LRRC7: variants seen among roughly 807,000 people sequenced by gnomAD.
LRRC7 encodes leucine rich repeat containing 7.
Under a neutral mutation model 175.7 loss-of-function variants are expected in LRRC7, and 23 were observed. That is an observed-to-expected ratio of 0.13 (90% CI 0.09 to 0.19). The LOEUF (loss-of-function observed/expected upper bound fraction) is 0.19, where lower values mean the gene tolerates loss of function less well. LRRC7 is among the 10% of genes least tolerant of loss of function. The pLI is 1.00. For synonymous variants in LRRC7, 685 were observed against 680.9 expected (o/e 1.01, Z -0.09); for missense variants, 1,354 against 1,904.7 (o/e 0.71, Z 5.38).
intron 3 of LRRC7, among the ~76,000 whole-genome samples, chr1:69,786,539 T>G (rs1328146535): frequency 6.6e-6 from 1 of 152,082 alleles, no homozygotes; most frequent in Admixed American, 6.5e-5. Flanking sequence ...GACTGGGCAA[T>G]TTACAAAAGA....
At chr1:69,886,873 A>T (rs995224931) in intron 7 of LRRC7, among the ~76,000 whole-genome samples, 7 of 151,076 alleles carry the variant, frequency 4.6e-5, no homozygotes, top group Non-Finnish European at 7.4e-5. Flanking sequence ...TCCTTCACTT[A>T]TGAAGCTTAG....
chr1:69,828,985 T>C (rs1358765831), intron 5 of LRRC7, among the ~76,000 whole-genome samples: 1 of 151,936 alleles, frequency 6.6e-6, no homozygotes, highest in African/African-American at 2.4e-5. Context: ...CCTATTCCAA[T>C]AGTAAAAATT....
chr1:69,779,972 G>A (rs1054291758), intron 3 of LRRC7, among the ~76,000 whole-genome samples: 14 of 152,140 alleles, frequency 9.2e-5, no homozygotes, highest in African/African-American at 3.4e-4. Flanking sequence ...CTTTGCCCAA[G>A]CACTGCTGGC....
At chr1:69,882,320 G>C (rs1403153242) in intron 7 of LRRC7, among the ~76,000 whole-genome samples, 1 of 152,182 alleles carries the variant, frequency 6.6e-6, no homozygotes, top group Non-Finnish European at 1.5e-5. Flanking sequence ...TCCTTAAAAA[G>C]TTAAAACTAC....
intron 16 of LRRC7, among the ~76,000 whole-genome samples, chr1:70,022,681 G>T (rs1657638947): frequency 6.6e-6 from 1 of 151,996 alleles, no homozygotes; most frequent in Non-Finnish European, 1.5e-5. Context: ...ATTGGCTATT[G>T]GACAAATTAG....
chr1:70,014,318 A>G (rs1021416779), intron 13 of LRRC7, among the ~76,000 whole-genome samples: 2 of 152,008 alleles, frequency 1.3e-5, no homozygotes, highest in East Asian at 1.9e-4. Flanking sequence ...ATGATCCATA[A>G]TTAGAAGTTC....
At chr1:69,666,288 T>A (rs1658257008) in intron 1 of LRRC7, among the ~76,000 whole-genome samples, 1 of 152,118 alleles carries the variant, frequency 6.6e-6, no homozygotes, top group Non-Finnish European at 1.5e-5. Flanking sequence ...TAGTTTTCTC[T>A]ATTGATGTAT....
At chr1:69,972,838 G>A (rs1291147112) in intron 8 of LRRC7, among the ~76,000 whole-genome samples, 2 of 151,216 alleles carry the variant, frequency 1.3e-5, no homozygotes, top group Non-Finnish European at 2.9e-5. Context: ...TAGCAGCACA[G>A]TTTGCAATTG....
Position 70,135,215 on chromosome 1 carries a change from C to T in LRRC7, c.*13328C>T, listed in dbSNP as rs1666818236. ...TATGGATAATCTTAATTTTTTATTCCTAGGAGCAACCTCTAGGTCAGTGCT... is the reference window on the plus strand; with the variant it reads ...TATGGATAATCTTAATTTTTTATTCTTAGGAGCAACCTCTAGGTCAGTGCT... On this transcript the variant is annotated 3_prime_UTR_variant, in exon 27 of 27. Coordinates refer to ENST00000651989, the MANE Select transcript of LRRC7 (RefSeq NM_001370785.2). Among the ~76,000 whole-genome samples the T allele has an allele frequency of 6.6e-6, 1 of 151,674 alleles. No homozygotes were observed. Among genetic ancestry groups the T allele is most frequent in the African/African-American group, 2.4e-5 (1 of 41,220 alleles).
At chr1:69,578,431 C>T (rs1245065) in intron 1 of LRRC7, among the ~76,000 whole-genome samples, 57,228 of 141,128 alleles carry the variant, frequency 0.41, 11,692 homozygotes, top group Middle Eastern at 0.51. Context: ...ACCCAGCCAT[C>T]CCATTACTGG....
At chr1:70,118,329 A>G (rs1055915698) in intron 26 of LRRC7, among the ~76,000 whole-genome samples, 1 of 150,436 alleles carries the variant, frequency 6.6e-6, no homozygotes. Flanking sequence ...TTATTCTATT[A>G]TCTCCTTCCA....
chr1:69,904,476 A>G (rs750333750), intron 7 of LRRC7, among the ~76,000 whole-genome samples: 13 of 152,128 alleles, frequency 8.5e-5, no homozygotes, highest in Non-Finnish European at 7.4e-5. Context: ...TGCAAATGGA[A>G]ACCTAGAATA....
At chr1:70,109,020 T>TG (rs1326344345) in intron 26 of LRRC7, among the ~76,000 whole-genome samples, 2 of 116,558 alleles carry the variant, frequency 1.7e-5, no homozygotes, top group East Asian at 2.6e-4. Context: ...TGTTTTGTTT[T>TG]TGTTTTTGTT....
At chr1:69,635,145 T>G (rs1247216748) in intron 1 of LRRC7, among the ~76,000 whole-genome samples, 1 of 152,006 alleles carries the variant, frequency 6.6e-6, no homozygotes, top group East Asian at 1.9e-4. Flanking sequence ...CTCTCATCAT[T>G]TAGCTCCCAC....
chr1:69,697,339 A>C (rs1557614441), intron 2 of LRRC7, among the ~76,000 whole-genome samples: 1 of 152,222 alleles, frequency 6.6e-6, no homozygotes, highest in Non-Finnish European at 1.5e-5. Flanking sequence ...ATAGCCTTTA[A>C]GTGTGCAATA....
intron 3 of LRRC7, among the ~76,000 whole-genome samples, chr1:69,791,004 C>T (rs550680069): frequency 6.6e-6 from 1 of 152,008 alleles, no homozygotes; most frequent in Non-Finnish European, 1.5e-5. Flanking sequence ...CTGTAAATAA[C>T]GAATTACATG....
intron 3 of LRRC7, among the ~76,000 whole-genome samples, chr1:69,782,100 C>T (rs1233302213): frequency 6.6e-6 from 1 of 152,032 alleles, no homozygotes; most frequent in Non-Finnish European, 1.5e-5. Flanking sequence ...GATAATAATA[C>T]CTTATTTACA....
chr1:69,835,133 A>AG (rs1260443465), intron 6 of LRRC7, among the ~76,000 whole-genome samples: 2 of 151,964 alleles, frequency 1.3e-5, no homozygotes, highest in Non-Finnish European at 2.9e-5. Flanking sequence ...AAATTATCTG[A>AG]GGGAAAAAAA....
At chr1:69,575,565 T>C (rs56116233) in intron 1 of LRRC7, among the ~76,000 whole-genome samples, 1,837 of 152,320 alleles carry the variant, frequency 0.012, 22 homozygotes, top group Admixed American at 0.019. Context: ...ATATCTTTAT[T>C]TAAGAAATGT....
Sources: allele counts gnomAD v4.1 joint callset (sites outside exome capture counted in the v4.1 genomes callset), GRCh38; gene constraint gnomAD v4.1.1; transcripts MANE v1.5; gene names NCBI Gene and HGNC (gene_info 2026-07-23, HGNC 2026-07-21).